LMBRD2: variants seen among roughly 807,000 people sequenced by gnomAD.
LMBRD2 encodes LMBR1 domain containing 2.
A neutral mutation model predicts 94.4 loss-of-function variants in LMBRD2; 55 were observed. The observed-to-expected ratio is 0.58, with a 90% CI of 0.47 to 0.73. The LOEUF (loss-of-function observed/expected upper bound fraction) is 0.73, where lower values mean the gene tolerates loss of function less well. Ranked by LOEUF, LMBRD2 falls within the 30% of genes least tolerant of loss-of-function variation. LMBRD2 has a pLI of 0.00. For synonymous variants in LMBRD2, 246 were observed against 272.4 expected (o/e 0.90, Z 0.95); for missense variants, 640 against 831.9 (o/e 0.77, Z 2.84).
chr5:36,115,714 CTACA>C (rs1020878477), intron 11 of LMBRD2, among the ~76,000 whole-genome samples: 1 of 140,880 alleles, frequency 7.1e-6, no homozygotes, highest in Admixed American at 6.7e-5. Flanking sequence ...CTACAGGAAT[CTACA>C]CACACACACA....
At chr5:36,135,159 T>G (rs1301708860) in intron 6 of LMBRD2, among the ~76,000 whole-genome samples, 1 of 152,138 alleles carries the variant, frequency 6.6e-6, no homozygotes, top group African/African-American at 2.4e-5. Context: ...AGTTTGTCAG[T>G]CCCTGTTTAA....
chr5:36,117,000 T>C (rs552235620), intron 10 of LMBRD2, among the ~76,000 whole-genome samples: 33 of 152,048 alleles, frequency 2.2e-4, no homozygotes, highest in Admixed American at 1.3e-3. Flanking sequence ...CTAACATTTA[T>C]TGATGCTCTA....
At chr5:36,130,053 G>T (rs1228496210) in intron 6 of LMBRD2, among the ~76,000 whole-genome samples, 1 of 152,104 alleles carries the variant, frequency 6.6e-6, no homozygotes, top group Non-Finnish European at 1.5e-5. Flanking sequence ...GGCGGGAGCG[G>T]GGAGGGATAG....
At chr5:36,131,428 G>T (rs1744149810) in intron 6 of LMBRD2, among the ~76,000 whole-genome samples, 1 of 152,008 alleles carries the variant, frequency 6.6e-6, no homozygotes. Context: ...TCCATAACAA[G>T]ACAAGGATGC....
Position 36,103,826 on chromosome 5 carries a change from G to A in LMBRD2, c.*220C>T, listed in dbSNP as rs1743401188. ...CTGTAACTGTATTTCTAAGGCAGATGCTTAGGAAATGATATGTAATAAATC... is the reference window on the plus strand; with the variant it reads ...CTGTAACTGTATTTCTAAGGCAGATACTTAGGAAATGATATGTAATAAATC... On this transcript the variant is annotated 3_prime_UTR_variant, in exon 18 of 18. Transcript: ENST00000296603. The A allele has an allele frequency of 2.9e-6, 1 of 350,542 alleles. No individual in the cohort carries two copies. The highest frequency in any genetic ancestry group is 5.0e-5 in the South Asian group (1 of 20,056). 21.7% of individuals were successfully genotyped at this position (350,542 alleles called of 1,614,324 possible).
rs1743371065 is a variant in LMBRD2, at chr5:36,102,648, A to G, written c.*1398T>C. On this transcript the variant is annotated 3_prime_UTR_variant, in exon 18 of 18. Coordinates refer to ENST00000296603, the MANE Select transcript of LMBRD2 (RefSeq NM_001007527.2). The stretch of plus-strand genomic sequence containing the variant: ...TGCATAGAGCTGTGTTTTAAAAAAA[A>G]ACTTACATGATAATATTTATTAAAA... 6.6e-6 allele frequency: 1 copy of G among 151,738 alleles called. No individual in the cohort carries two copies. The highest frequency in any genetic ancestry group is 2.1e-4 in the South Asian group (1 of 4,826). The allele number at this position is 151,738 out of a possible 1,614,324, so 9.4% of individuals were successfully genotyped here.
At chr5:36,104,713 A>G (rs1743422515) in intron 17 of LMBRD2, among the ~76,000 whole-genome samples, 1 of 152,022 alleles carries the variant, frequency 6.6e-6, no homozygotes, top group African/African-American at 2.4e-5. Context: ...GCTATGCAGC[A>G]GTTACTAAAT....
rs1349558962 is a variant in LMBRD2, at chr5:36,100,518, CAT to C, written c.*3526_*3527del. ...AGCACATTAAAAGTCATGCTATAAA[CAT>C]AGGCCTCAGAAAGGAAGAAAGGTAT... On this transcript the variant is annotated 3_prime_UTR_variant, in exon 18 of 18. Transcript: ENST00000296603. The C allele has an allele frequency of 6.6e-6, 1 of 152,014 alleles. No individual in the cohort carries two copies. The highest frequency in any genetic ancestry group is 1.5e-5 in the Non-Finnish European group (1 of 67,960). 9.4% of individuals were successfully genotyped at this position (152,014 alleles called of 1,614,324 possible). A position where few individuals can be genotyped will look rare whatever the true frequency, so the allele number is the denominator to read the frequency against.
chr5:36,105,608 T>A (rs1262991078), intron 16 of LMBRD2, among the ~76,000 whole-genome samples: 1 of 152,212 alleles, frequency 6.6e-6, no homozygotes, highest in East Asian at 1.9e-4. Context: ...AAAAAAGGTG[T>A]GTCTTTTTAC....
intron 1 of LMBRD2, among the ~76,000 whole-genome samples, chr5:36,147,585 C>T (rs1744579970): frequency 6.6e-6 from 1 of 152,168 alleles, no homozygotes; most frequent in African/African-American, 2.4e-5. Context: ...CAATCTTTTT[C>T]CAATCATCAA....
In LMBRD2 at chr5:36,141,175, A is replaced by C. The variant is rs1215482617; in HGVS notation, c.300T>G (p.Ser100Arg). 6 of 1,610,924 alleles carry C rather than the reference A, an allele frequency of 3.7e-6. No homozygotes were observed. Among genetic ancestry groups the C allele is most frequent in the African/African-American group, 2.7e-5 (2 of 74,818 alleles). ...PSQHPCFKPW[S>R]YIPDGIMPIF... is the part of the protein sequence containing the mutation. ...TTGGCATGATTCCATCAGGAATGTAACTCCATGGCTTGAAACAAGGATGCT... is the reference window on the plus strand; with the variant it reads ...TTGGCATGATTCCATCAGGAATGTACCTCCATGGCTTGAAACAAGGATGCT... The change falls in exon 4 of 18, where the codon AGT (serine) becomes AGG (arginine). Residue 100 changes from serine (S) to arginine (R), a missense_variant. Transcript: ENST00000296603.
chr5:36,109,872 C>A, intron 15 of LMBRD2, 73 bp downstream of exon 15: 1 of 1,110,736 alleles, frequency 9.0e-7, no homozygotes, highest in Non-Finnish European at 1.3e-6. Flanking sequence ...CTAATTATTC[C>A]AAATTAGTAA....
chr5:36,139,853 C>G (rs540026722), intron 4 of LMBRD2, among the ~76,000 whole-genome samples: 4 of 152,216 alleles, frequency 2.6e-5, no homozygotes, highest in Non-Finnish European at 5.9e-5. Context: ...CTCAATAAAG[C>G]ACCTCTTCAC....
At position 36,100,521 on chromosome 5, in the gene LMBRD2, A is replaced by C. The variant is rs1406557696; in HGVS notation, c.*3525T>G. ...ACATTAAAAGTCATGCTATAAACAT[A>C]GGCCTCAGAAAGGAAGAAAGGTATA... On this transcript the variant is annotated 3_prime_UTR_variant, in exon 18 of 18. Coordinates refer to ENST00000296603, the MANE Select transcript of LMBRD2 (RefSeq NM_001007527.2). 3 of 152,150 alleles carry C rather than the reference A, an allele frequency of 2.0e-5. No individual in the cohort carries two copies. The highest frequency in any genetic ancestry group is 6.6e-5 in the Admixed American group (1 of 15,258). The allele number at this position is 152,150 out of a possible 1,614,324, so 9.4% of individuals were successfully genotyped here.
At chr5:36,116,399 G>C (rs1168980298) in intron 11 of LMBRD2, 61 bp downstream of exon 11, 1 of 1,466,024 alleles carries the variant, frequency 6.8e-7, no homozygotes, top group Non-Finnish European at 9.4e-7. Flanking sequence ...AAAAATAAAA[G>C]ATCCATAAGA....
chr5:36,124,224 T>G lies in LMBRD2; in HGVS notation c.789A>C (p.Pro263=). 3 of 1,591,030 alleles carry G rather than the reference T, an allele frequency of 1.9e-6. No homozygotes were observed. The highest frequency in any genetic ancestry group is 2.6e-6 in the Non-Finnish European group (3 of 1,160,642). The change falls in exon 7 of 18, where the codon CCA becomes CCC. Residue 263 remains proline (P), a synonymous_variant. Coordinates refer to ENST00000296603, the MANE Select transcript of LMBRD2 (RefSeq NM_001007527.2). ...KVNESIKYNH[P]LRKCVDTILK... is the part of the protein sequence containing the mutation. Reference sequence around the variant, plus strand: ...GTATTGTATCAACACATTTTCTCAATGGGTGATTATACTTGATGCTTTCAT... The same window carrying G: ...GTATTGTATCAACACATTTTCTCAAGGGGTGATTATACTTGATGCTTTCAT...
Position 36,136,352 on chromosome 5 carries a change from G to A in LMBRD2, c.704C>T (p.Thr235Ile). ...KTYFKAAKLM[T>I]EKADAEENLE... is the part of the protein sequence containing the mutation. ...ATTCTCTTCTGCATCTGCTTTCTCT[G>A]TCATCAGTTTGGCTGCCTTAAAATA... is the stretch of plus-strand genomic sequence containing the variant. Residue 235 changes from threonine (T) to isoleucine (I), a missense_variant, in exon 6 of 18, where the codon ACA becomes ATA. By Grantham distance (89) the Thr-to-Ile change is moderately conservative (BLOSUM62 -1). Transcript: ENST00000296603. 6.2e-7 allele frequency: 1 copy of A among 1,614,004 alleles called. No homozygotes were observed. Among genetic ancestry groups the A allele is most frequent in the Non-Finnish European group, 8.5e-7 (1 of 1,179,920 alleles).
rs1453970173 is a variant in LMBRD2, at chr5:36,099,038, T to C, written c.*5008A>G. ...GGATAAAGGCAAAATAACAAGTATTTTATTAATGCAATGCAGAAATTAGGT... is the reference window on the plus strand; with the variant it reads ...GGATAAAGGCAAAATAACAAGTATTCTATTAATGCAATGCAGAAATTAGGT... On this transcript the variant is annotated 3_prime_UTR_variant, in exon 18 of 18. Transcript: ENST00000296603. 2 of 152,086 alleles carry C rather than the reference T, an allele frequency of 1.3e-5. No individual in the cohort carries two copies. The highest frequency in any genetic ancestry group is 2.9e-5 in the Non-Finnish European group (2 of 67,966). The allele number at this position is 152,086 out of a possible 1,614,324, so 9.4% of individuals were successfully genotyped here.
rs541450298 is a variant in LMBRD2, at chr5:36,121,393, T to C, written c.1120+887A>G. 3.9e-5 allele frequency among the ~76,000 whole-genome samples: 6 copies of C among 152,330 alleles called. No individual in the cohort carries two copies. The South Asian group carries it at 1.2e-3, about 32-fold the overall frequency. On this transcript the variant is annotated intron_variant, in intron 9 of 17. Coordinates refer to ENST00000296603, the MANE Select transcript of LMBRD2 (RefSeq NM_001007527.2). ...CATGCAAAGGAGAATCAAGTGAATA[T>C]AACAATTTTTTTAAAATAAATAAGG... is the stretch of plus-strand genomic sequence containing the variant.
Sources: allele counts gnomAD v4.1 joint callset (sites outside exome capture counted in the v4.1 genomes callset), GRCh38; gene constraint gnomAD v4.1.1; transcripts MANE v1.5; gene names NCBI Gene and HGNC (gene_info 2026-07-23, HGNC 2026-07-21).